The following IGF2 variants were observed in gnomAD, a reference collection of about 807,000 sequenced individuals.
The protein encoded by IGF2 is insulin-like growth factor 2.
A neutral mutation model predicts 12.0 loss-of-function variants in IGF2; 2 were observed. The ratio of observed to expected loss-of-function variants is 0.17; its 90% CI spans 0.07 to 0.52. The LOEUF (loss-of-function observed/expected upper bound fraction) is 0.52. Ranked by LOEUF, IGF2 falls within the 20% of genes least tolerant of loss-of-function variation. The pLI, the probability that IGF2 is intolerant of heterozygous loss-of-function variation, is 0.95. For missense variants in IGF2, 211 were observed against 268.0 expected, an observed-to-expected ratio of 0.79 and a Z score of 1.48; for synonymous variants, 105 against 110.1, an observed-to-expected ratio of 0.95 and a Z score of 0.29.
chr11:2,138,198 G>T (rs1227541602), intron 1 of IGF2, 31 bp downstream of exon 1: 20 of 983,112 alleles, frequency 2.0e-5, no homozygotes, highest in Non-Finnish European at 2.1e-5. Flanking sequence ...CCCCAGCCCC[G>T]GCCCCGGCCC....
In IGF2 at chr11:2,132,282, G is replaced by A. The variant is rs1324956403; in HGVS notation, c.*705C>T. 1 of 198,588 alleles carries A rather than the reference G, an allele frequency of 5.0e-6. No homozygotes were observed. 12.3% of individuals were successfully genotyped at this position (198,588 alleles called of 1,614,324 possible). A position where few individuals can be genotyped will look rare whatever the true frequency, so the allele number is the denominator to read the frequency against. ...TGACTGCTCTGTGATTTTTAGTGAT[G>A]GAAAAGGGAGTGAGGAGCCAGTCTG... On this transcript the variant is annotated 3_prime_UTR_variant, in exon 4 of 4. Transcript: ENST00000416167.
intron 1 of IGF2, 132 bp downstream of exon 1, chr11:2,138,091 TCCTCCC>T: frequency 2.7e-6 from 1 of 367,636 alleles, no homozygotes; most frequent in African/African-American, 2.3e-5. Context: ...CTCCTCCTCC[TCCTCCC>T]CCCCGGGCTC....
chr11:2,149,137 T>G, the IGF2 span: 1 of 1,613,346 alleles, frequency 6.2e-7, no homozygotes, highest in African/African-American at 1.3e-5. Flanking sequence ...TGTACTCTAG[T>G]CCCTGCGCAG....
chr11:2,144,559 C>T (rs886682646), upstream of IGF2, among the ~76,000 whole-genome samples: 6 of 152,230 alleles, frequency 3.9e-5, no homozygotes, highest in Admixed American at 2.6e-4. Context: ...GGCTGCACGC[C>T]GCTGGGGTGC....
Position 2,133,150 on chromosome 11 carries a change from C to A in IGF2, c.380G>T (p.Arg127Leu), listed in dbSNP as rs1191719522. ...ACGCAGGAGGGCAGGCAGGCCCCTG[C>A]GCAGGCGCTGGGTGGACTGCTTCCA... ...DTWKQSTQRL[R>L]RGLPALLRAR... The change falls in exon 4 of 4, where the codon CGC (arginine) becomes CTC (leucine). Residue 127 changes from arginine to leucine, a missense_variant. Physicochemically the swap from Arg to Leu is moderately radical, Grantham distance 102. This residue lies in a region of IGF2 where 141 missense variants were observed against 153.1 expected (regional missense o/e 0.92). Coordinates refer to ENST00000416167, the MANE Select transcript of IGF2 (RefSeq NM_000612.6). The surrounding 1 kb of genome is among the most constrained non-coding windows in gnomAD (Gnocchi z 8.9). The A allele has an allele frequency of 1.1e-5, 18 of 1,600,890 alleles. No individual in the cohort carries two copies. In the East Asian group the frequency reaches 2.5e-4, roughly 22 times the overall value.
chr11:2,138,094 TCCCCCCCGGGCTCAGCCG>T (rs1859217477), intron 1 of IGF2, 117 bp downstream of exon 1: 2 of 369,152 alleles, frequency 5.4e-6, no homozygotes, highest in African/African-American at 4.7e-5. Flanking sequence ...CTCCTCCTCC[TCCCCCCCGGGCTCAGCCG>T]CCCCGCCGAG....
At chr11:2,138,082 T>C in intron 1 of IGF2, 147 bp downstream of exon 1, 1 of 327,266 alleles carries the variant, frequency 3.1e-6, no homozygotes, top group Non-Finnish European at 4.4e-6. Flanking sequence ...GTCCTCCTCC[T>C]CCTCCTCCTC....
upstream of IGF2, chr11:2,140,100 G>A (rs1193842962): frequency 1.2e-6 from 2 of 1,602,784 alleles, no homozygotes; most frequent in East Asian, 4.5e-5. Flanking sequence ...CCAGAGGAGA[G>A]AGGATCAGGG....
chr11:2,137,659 C>A (rs531690095), intron 1 of IGF2, among the ~76,000 whole-genome samples: 1 of 152,202 alleles, frequency 6.6e-6, no homozygotes, highest in Non-Finnish European at 1.5e-5. Flanking sequence ...CCCTCTCCCC[C>A]TCTCCCGGGA....
chr11:2,133,270 T>A lies in IGF2; in HGVS notation c.307-47A>T. ...CAGCAGGTGCCTGCTCTCCACGCTC[T>A]TCCGCCTGAGCCGCCCGCCTGACCT... On this transcript the variant is annotated intron_variant, in intron 3 of 3. Transcript: ENST00000416167. The surrounding 1 kb of genome is among the most constrained non-coding windows in gnomAD (Gnocchi z 8.9). 1 of 1,350,886 alleles carries A rather than the reference T, an allele frequency of 7.4e-7. No homozygotes were observed. Among genetic ancestry groups the A allele is most frequent in the Non-Finnish European group, 1.0e-6 (1 of 988,814 alleles). 83.7% of individuals were successfully genotyped at this position (1,350,886 alleles called of 1,614,324 possible). A position where few individuals can be genotyped will look rare whatever the true frequency, so the allele number is the denominator to read the frequency against.
chr11:2,138,417 T>A lies in IGF2; in HGVS notation c.-195A>T, dbSNP rs1859261737. The A allele has an allele frequency of 3.1e-6, 2 of 650,570 alleles. No individual in the cohort carries two copies. Among genetic ancestry groups the A allele is most frequent in the Non-Finnish European group, 3.7e-6 (2 of 540,944 alleles). 40.3% of individuals were successfully genotyped at this position (650,570 alleles called of 1,614,324 possible). ...GGGGGGGGGAGAATTCGTCTGATTG[T>A]CCAGGGAGGACGGGCTGTCTTCGGG... On this transcript the variant is annotated 5_prime_UTR_variant, in exon 1 of 4. Coordinates refer to ENST00000416167, the MANE Select transcript of IGF2 (RefSeq NM_000612.6).
Position 2,138,928 on chromosome 11 carries a change from G to A in IGF2, c.-706C>T. Reference sequence around the variant, plus strand: ...GGCGCCCAGCTCGGTTTGGGCCGACGGAGCCCTCTGCCGTCGCGAGCCCGG... The same window carrying A: ...GGCGCCCAGCTCGGTTTGGGCCGACAGAGCCCTCTGCCGTCGCGAGCCCGG... On this transcript the variant is annotated 5_prime_UTR_variant, in exon 1 of 4. Coordinates refer to ENST00000416167, the MANE Select transcript of IGF2 (RefSeq NM_000612.6). The A allele has an allele frequency of 1.0e-6, 1 of 984,534 alleles. No homozygotes were observed. Among genetic ancestry groups the A allele is most frequent in the Non-Finnish European group, 1.2e-6 (1 of 829,356 alleles). The allele number at this position is 984,534 out of a possible 1,614,324, so 61.0% of individuals were successfully genotyped here.
the IGF2 span, chr11:2,147,898 T>A: frequency 1.0e-6 from 1 of 993,172 alleles, no homozygotes; most frequent in African/African-American, 1.7e-5. The surrounding 1 kb of genome is among the most constrained non-coding windows in gnomAD (Gnocchi z 7.2). Context: ...CCCTGTCCCA[T>A]CCCCCTCCCC....
Position 2,131,474 on chromosome 11 carries a change from CGT to C in IGF2, c.*1511_*1512del, listed in dbSNP as rs1266725800. 1.3e-5 allele frequency: 3 copies of C among 227,060 alleles called. No homozygotes were observed. The highest frequency in any genetic ancestry group is 5.7e-5 in the Admixed American group (1 of 17,458). The allele number at this position is 227,060 out of a possible 1,614,324, so 14.1% of individuals were successfully genotyped here. ...TGCAGGTGGGTGCTTGCGTGTGCAACGTGTGTGCTGCGTGTTTGTGTGCTGTG... is the reference window on the plus strand; with the variant it reads ...TGCAGGTGGGTGCTTGCGTGTGCAACGTGTGCTGCGTGTTTGTGTGCTGTG... On this transcript the variant is annotated 3_prime_UTR_variant, in exon 4 of 4. Coordinates refer to ENST00000416167, the MANE Select transcript of IGF2 (RefSeq NM_000612.6).
upstream of IGF2, chr11:2,140,937 C>T (rs1234684550): frequency 1.4e-5 from 5 of 357,740 alleles, no homozygotes; most frequent in Non-Finnish European, 2.7e-5. Context: ...AGGCGGTGGA[C>T]GCTGCTGAAG....
rs1462165672 is a variant in IGF2 at position 2,130,532 on chromosome 11, G to C, written c.*2455C>G. ...TGTCACTGCCCCCCTGTTACATGGG[G>C]GGGGGGTTTAATTTGGTTTCTGAGC... On this transcript the variant is annotated 3_prime_UTR_variant, in exon 4 of 4. Transcript: ENST00000416167. 3 of 220,228 alleles carry C rather than the reference G, an allele frequency of 1.4e-5. No homozygotes were observed. The highest frequency in any genetic ancestry group is 2.7e-5 in the Non-Finnish European group (3 of 110,954). The allele number at this position is 220,228 out of a possible 1,614,324, so 13.6% of individuals were successfully genotyped here. A position where few individuals can be genotyped will look rare whatever the true frequency, so the allele number is the denominator to read the frequency against.
At position 2,138,999 on chromosome 11, in the gene IGF2, G is replaced by T; in HGVS notation, c.-777C>A. ...GGTGGCGGCACCGGGGCCGCTCCGG[G>T]ACGCAGCGCGGAAAGGGGAGCGGCC... is the stretch of plus-strand genomic sequence containing the variant. On this transcript the variant is annotated 5_prime_UTR_variant, in exon 1 of 4. Coordinates refer to ENST00000416167, the MANE Select transcript of IGF2 (RefSeq NM_000612.6). 1 of 976,864 alleles carries T rather than the reference G, an allele frequency of 1.0e-6. No individual in the cohort carries two copies. Among genetic ancestry groups the T allele is most frequent in the Non-Finnish European group, 1.2e-6 (1 of 824,928 alleles). The allele number at this position is 976,864 out of a possible 1,614,324, so 60.5% of individuals were successfully genotyped here. A position where few individuals can be genotyped will look rare whatever the true frequency, so the allele number is the denominator to read the frequency against.
rs1859257333 is a variant in IGF2, at chr11:2,138,397, G to T, written c.-175C>A. ...GGGGATGGCTTTTTTTTGGGGGGGG[G>T]GGGAGAATTCGTCTGATTGTCCAGG... On this transcript the variant is annotated 5_prime_UTR_variant, in exon 1 of 4. Transcript: ENST00000416167. 4 of 486,686 alleles carry T rather than the reference G, an allele frequency of 8.2e-6. 1 individual carries two copies. Among genetic ancestry groups the T allele is most frequent in the South Asian group, 1.8e-4 (2 of 11,254 alleles). The allele number at this position is 486,686 out of a possible 1,614,324, so 30.1% of individuals were successfully genotyped here. A position where few individuals can be genotyped will look rare whatever the true frequency, so the allele number is the denominator to read the frequency against.
At chr11:2,149,146 A>G in the IGF2 span, 1 of 1,613,394 alleles carries the variant, frequency 6.2e-7, no homozygotes, top group Non-Finnish European at 8.5e-7. Context: ...GTCCCTGCGC[A>G]GTCCCCGCAG....
Sources: gnomAD v4.1 joint callset for allele counts (sites outside exome capture counted in the v4.1 genomes callset) on GRCh38, gnomAD v4.1.1 for gene constraint, gnomAD v4.1.1 regional missense constraint, Gnocchi (gnomAD v3.1) non-coding constraint, MANE v1.5 for transcripts, NCBI Gene and HGNC (gene_info 2026-07-23, HGNC 2026-07-21) for gene names.